CADM2: variants seen among roughly 807,000 people sequenced by gnomAD.
CADM2 encodes the protein immunoglobulin superfamily member 4D.
A neutral mutation model predicts 49.8 loss-of-function variants in CADM2; 12 were observed. The observed-to-expected ratio is 0.24, with a 90% CI of 0.15 to 0.39. The LOEUF (loss-of-function observed/expected upper bound fraction) is 0.39. Ranked by LOEUF, CADM2 falls within the 10% of genes least tolerant of loss-of-function variation. The probability of loss-of-function intolerance (pLI) is 1.00; values close to 1 mark genes in which losing one functional copy is unlikely to be tolerated. For synonymous variants in CADM2, 214 were observed against 175.4 expected (o/e 1.22, Z -1.74); for missense variants, 378 against 492.3 (o/e 0.77, Z 2.20).
At chr3:85,990,413 CTT>C (rs1448105358) in intron 8 of CADM2, among the ~76,000 whole-genome samples, 4 of 152,042 alleles carry the variant, frequency 2.6e-5, no homozygotes, top group Non-Finnish European at 5.9e-5. Context: ...ACATTTTTGA[CTT>C]ATATTTTTAA....
intron 1 of CADM2, among the ~76,000 whole-genome samples, chr3:85,310,642 G>A (rs2044319441): frequency 6.6e-6 from 1 of 152,086 alleles, no homozygotes; most frequent in Admixed American, 6.5e-5. Flanking sequence ...AAAGCTAAAG[G>A]GAGCATGGGA....
At chr3:85,326,225 G>A (rs961175057) in intron 1 of CADM2, among the ~76,000 whole-genome samples, 5 of 151,954 alleles carry the variant, frequency 3.3e-5, no homozygotes, top group Non-Finnish European at 5.9e-5. Flanking sequence ...AGTGTTTTGT[G>A]TATATTTAAG....
At chr3:85,921,623 C>A (rs73132624) in intron 6 of CADM2, among the ~76,000 whole-genome samples, 7,103 of 152,120 alleles carry the variant, frequency 0.047, 254 homozygotes, top group South Asian at 0.11. Context: ...ATTGTGTTAT[C>A]TTTGTCACAA....
chr3:85,616,362 A>G (rs775015725), intron 1 of CADM2, among the ~76,000 whole-genome samples: 11 of 152,136 alleles, frequency 7.2e-5, no homozygotes, highest in Non-Finnish European at 1.3e-4. Context: ...AGCATTCAAA[A>G]GAACACTGAA....
At chr3:85,822,846 C>T (rs973479399) in intron 3 of CADM2, among the ~76,000 whole-genome samples, 2 of 152,048 alleles carry the variant, frequency 1.3e-5, no homozygotes, top group Middle Eastern at 3.2e-3. Flanking sequence ...CCTAAATGTG[C>T]GATATCAAGA....
intron 1 of CADM2, among the ~76,000 whole-genome samples, chr3:85,493,158 T>C (rs1244906562): frequency 6.6e-6 from 1 of 152,126 alleles, no homozygotes; most frequent in African/African-American, 2.4e-5. Context: ...ATAATTTTAA[T>C]CTATATTGGC....
intron 1 of CADM2, among the ~76,000 whole-genome samples, chr3:85,119,534 A>G (rs56701506): frequency 0.083 from 12,545 of 152,020 alleles, 1,714 homozygotes; most frequent in African/African-American, 0.28. Context: ...TAATTCTGTG[A>G]AGAAAGTTGA....
chr3:85,639,942 TC>T (rs2064656898), intron 1 of CADM2, among the ~76,000 whole-genome samples: 1 of 152,216 alleles, frequency 6.6e-6, no homozygotes, highest in African/African-American at 2.4e-5. Flanking sequence ...GAAGGCAAGA[TC>T]TTTGACATAC....
Position 85,096,196 on chromosome 3 carries a change from C to A in CADM2, c.61+136528C>A, listed in dbSNP as rs1385126175. The stretch of plus-strand genomic sequence containing the variant: ...AAGTTAATTTATCTATATTTAACAT[C>A]AGAATATTCACATATCTAAAAAAGT... On this transcript the variant is annotated intron_variant, in intron 1 of 9. Transcript: ENST00000383699. Among the ~76,000 whole-genome samples, 3 of 151,904 alleles carry A rather than the reference C, an allele frequency of 2.0e-5. No individual in the cohort carries two copies. The East Asian group carries it at 5.8e-4, about 29-fold the overall frequency.
intron 1 of CADM2, among the ~76,000 whole-genome samples, chr3:85,317,992 G>C (rs908830647): frequency 2.0e-5 from 3 of 151,996 alleles, no homozygotes; most frequent in Non-Finnish European, 2.9e-5. Flanking sequence ...TTAAGTGGTA[G>C]TTTACAGAAC....
At chr3:85,961,054 A>C (rs1724749070) in intron 7 of CADM2, among the ~76,000 whole-genome samples, 1 of 147,176 alleles carries the variant, frequency 6.8e-6, no homozygotes, top group Non-Finnish European at 1.5e-5. Context: ...ATATTTATAA[A>C]AATTATATAT....
chr3:85,655,977 T>TTC (rs2065184425), intron 1 of CADM2, among the ~76,000 whole-genome samples: 2 of 152,024 alleles, frequency 1.3e-5, no homozygotes, highest in African/African-American at 2.4e-5. Flanking sequence ...GTTCCTTTTT[T>TTC]TTTTTAATTC....
chr3:85,698,308 ACTT>A (rs1559599534), intron 1 of CADM2, among the ~76,000 whole-genome samples: 1 of 152,322 alleles, frequency 6.6e-6, no homozygotes, highest in East Asian at 1.9e-4. Context: ...AAGTAGTCAG[ACTT>A]CTTATGTGAA....
chr3:85,976,883 G>T (rs1199539416), intron 8 of CADM2, among the ~76,000 whole-genome samples: 1 of 151,318 alleles, frequency 6.6e-6, no homozygotes, highest in Non-Finnish European at 1.5e-5. Flanking sequence ...GTTTTGAAGT[G>T]GATTAACAAT....
intron 1 of CADM2, among the ~76,000 whole-genome samples, chr3:85,333,473 A>C (rs113814954): frequency 2.0e-5 from 3 of 151,792 alleles, no homozygotes; most frequent in African/African-American, 7.2e-5. Context: ...ACTTCTGTGC[A>C]TGCAAATTGG....
At chr3:85,258,634 C>A (rs2042943529) in intron 1 of CADM2, among the ~76,000 whole-genome samples, 1 of 152,078 alleles carries the variant, frequency 6.6e-6, no homozygotes, top group South Asian at 2.1e-4. Context: ...GTACCGTATC[C>A]ATTAAAATCT....
At chr3:84,966,519 A>G (rs1414499218) in intron 1 of CADM2, among the ~76,000 whole-genome samples, 1 of 152,076 alleles carries the variant, frequency 6.6e-6, no homozygotes, top group African/African-American at 2.4e-5. Context: ...ACGATTAACA[A>G]GACTTCCACA....
At chr3:85,819,140 C>T (rs1004511082) in intron 3 of CADM2, among the ~76,000 whole-genome samples, 4 of 152,062 alleles carry the variant, frequency 2.6e-5, no homozygotes, top group Non-Finnish European at 4.4e-5. Context: ...ACCTAGAGTC[C>T]GATGTTCAAG....
intron 3 of CADM2, among the ~76,000 whole-genome samples, chr3:85,819,672 TA>T (rs1467589435): frequency 1.3e-5 from 2 of 152,146 alleles, no homozygotes; most frequent in African/African-American, 2.4e-5. Context: ...CAAAAGAAAT[TA>T]ATAGTCATAT....
Sources: gnomAD v4.1 joint callset for allele counts (sites outside exome capture counted in the v4.1 genomes callset) on GRCh38, gnomAD v4.1.1 for gene constraint, MANE v1.5 for transcripts, NCBI Gene and HGNC (gene_info 2026-07-23, HGNC 2026-07-21) for gene names.